The following MCUB variants were observed in gnomAD, a reference collection of about 807,000 sequenced individuals.
The protein encoded by MCUB is mitochondrial calcium uniporter dominant negative subunit beta, also known as calcium uniporter regulatory subunit MCUb, mitochondrial.
MCUB carries 46 observed loss-of-function variants against 41.4 expected under a neutral mutation model. The ratio of observed to expected loss-of-function variants is 1.11; its 90% confidence interval spans 0.88 to 1.42. The LOEUF is 1.42. Ranked by LOEUF, MCUB falls within the 40% of genes most tolerant of loss-of-function variation. The pLI is 0.00. For synonymous variants in MCUB, 148 were observed against 148.2 expected (o/e 1.00, Z 0.01); for missense variants, 403 against 404.9 (o/e 1.00, Z 0.04).
chr4:109,655,565 G>T (rs901965891), intron 1 of MCUB, among the ~76,000 whole-genome samples: 2 of 152,036 alleles, frequency 1.3e-5, no homozygotes, highest in Non-Finnish European at 2.9e-5. Context: ...AATTCCAAGG[G>T]ATTCAGGAGC....
chr4:109,645,829 G>A (rs1728822918), intron 1 of MCUB, among the ~76,000 whole-genome samples: 1 of 152,012 alleles, frequency 6.6e-6, no homozygotes, highest in African/African-American at 2.4e-5. Flanking sequence ...CTCCTCAAAG[G>A]CCAGTCCCCC....
intron 1 of MCUB, among the ~76,000 whole-genome samples, chr4:109,605,578 C>T (rs1727851519): frequency 6.6e-6 from 1 of 152,094 alleles, no homozygotes. Context: ...TCTAATCTTT[C>T]TTGATTGATT....
chr4:109,598,606 CGGTG>C (rs1727645728), intron 1 of MCUB, among the ~76,000 whole-genome samples: 2 of 134,508 alleles, frequency 1.5e-5, no homozygotes, highest in Non-Finnish European at 3.5e-5. Context: ...GAGAGGGAGA[CGGTG>C]GGGAGACGGG....
intron 1 of MCUB, among the ~76,000 whole-genome samples, chr4:109,632,760 G>A (rs1428297443): frequency 1.3e-5 from 2 of 151,912 alleles, no homozygotes; most frequent in African/African-American, 4.8e-5. Context: ...GACTATAGAT[G>A]CACACCACCA....
intron 1 of MCUB, among the ~76,000 whole-genome samples, chr4:109,642,914 G>C (rs1448683473): frequency 5.9e-5 from 4 of 68,188 alleles, no homozygotes; most frequent in African/African-American, 2.9e-4. Context: ...TTTTTTTTTT[G>C]AGTTGGAGTC....
chr4:109,627,822 A>C (rs1728393672), intron 1 of MCUB, among the ~76,000 whole-genome samples: 1 of 151,852 alleles, frequency 6.6e-6, no homozygotes, highest in Non-Finnish European at 1.5e-5. Flanking sequence ...CTGAGTCAGG[A>C]GAATCAATTG....
intron 1 of MCUB, among the ~76,000 whole-genome samples, chr4:109,600,827 G>A (rs369244211): frequency 2.3e-4 from 35 of 151,850 alleles, no homozygotes; most frequent in African/African-American, 6.0e-4. Flanking sequence ...ACTAAGTCTC[G>A]TCCTGTCACC....
rs543404522 is a variant in MCUB at position 109,660,351 on chromosome 4, C to T, written c.332C>T (p.Ala111Val). Residue 111 changes from alanine to valine, a missense_variant, in exon 3 of 8, where the codon GCC (alanine) becomes GTC (valine). Coordinates refer to ENST00000394650, the MANE Select transcript of MCUB (RefSeq NM_017918.5). ...QNEDKGIKTA[A>V]IFTADGNMIS... ...GAAGATAAGGGTATCAAAACTGCAGCCATCTTCACAGCAGGTATATATGTA... is the reference window on the plus strand; with the variant it reads ...GAAGATAAGGGTATCAAAACTGCAGTCATCTTCACAGCAGGTATATATGTA... 5.0e-6 allele frequency: 8 copies of T among 1,598,486 alleles called. No homozygotes were observed. The highest frequency in any genetic ancestry group is 6.9e-6 in the Non-Finnish European group (8 of 1,166,890).
rs564100727 is a variant in MCUB, at chr4:109,581,339, C to T, written c.99+20903C>T. 6.2e-4 allele frequency among the ~76,000 whole-genome samples: 95 copies of T among 152,270 alleles called. 3 individuals are homozygous for T. Among genetic ancestry groups the T allele is most frequent in the Admixed American group, 5.2e-3 (79 of 15,292 alleles). ...AAACTGGCTAGCCATATGTAGAAAG[C>T]TGAAACTGGATCCCTTCCTTACACC... On this transcript the variant is annotated intron_variant, in intron 1 of 7. Coordinates refer to ENST00000394650, the MANE Select transcript of MCUB (RefSeq NM_017918.5).
chr4:109,631,672 C>T (rs1268561096), intron 1 of MCUB, among the ~76,000 whole-genome samples: 2 of 152,176 alleles, frequency 1.3e-5, no homozygotes, highest in Admixed American at 1.3e-4. Flanking sequence ...TGGACTCTGT[C>T]AACATTTCTC....
At chr4:109,619,804 A>G (rs1231991023) in intron 1 of MCUB, among the ~76,000 whole-genome samples, 1 of 152,162 alleles carries the variant, frequency 6.6e-6, no homozygotes, top group Non-Finnish European at 1.5e-5. Context: ...TTATAATAAT[A>G]ATAGTTATAG....
At chr4:109,579,409 C>T (rs1727117249) in intron 1 of MCUB, among the ~76,000 whole-genome samples, 1 of 143,064 alleles carries the variant, frequency 7.0e-6, no homozygotes, top group Non-Finnish European at 1.5e-5. Flanking sequence ...GCCACCACGC[C>T]CAGCTAATTT....
rs535293966 is a variant in MCUB, at chr4:109,638,394, TG to T, written c.100-20616del. Among the ~76,000 whole-genome samples, 666 of 142,904 alleles carry T rather than the reference TG, an allele frequency of 4.7e-3. 3 individuals carry two copies. Among genetic ancestry groups the T allele is most frequent in the Non-Finnish European group, 6.6e-3 (434 of 66,246 alleles). 93.8% of individuals were successfully genotyped at this position (142,904 alleles called of 152,430 possible). A position where few individuals can be genotyped will look rare whatever the true frequency, so the allele number is the denominator to read the frequency against. On this transcript the variant is annotated intron_variant, in intron 1 of 7. Coordinates refer to ENST00000394650, the MANE Select transcript of MCUB (RefSeq NM_017918.5). ...TTACTGAACTGTAGTCTATTAAGTG[TG>T]CAATAGCATTATATCTAAAAAAAAA...
intron 1 of MCUB, among the ~76,000 whole-genome samples, chr4:109,581,113 G>T (rs546472350): frequency 5.3e-5 from 8 of 152,084 alleles, no homozygotes; most frequent in African/African-American, 1.9e-4. Flanking sequence ...GGCATCATGC[G>T]ACCTGACTTC....
chr4:109,672,034 G>T (rs1729469250), intron 4 of MCUB, among the ~76,000 whole-genome samples: 1 of 151,846 alleles, frequency 6.6e-6, no homozygotes, highest in Non-Finnish European at 1.5e-5. Context: ...TAATGTAGTG[G>T]TAAGATATTG....
intron 1 of MCUB, among the ~76,000 whole-genome samples, chr4:109,622,338 T>A (rs1728266403): frequency 6.6e-6 from 1 of 152,262 alleles, no homozygotes; most frequent in South Asian, 2.1e-4. Context: ...TAACCTGTAG[T>A]GTATATTTGT....
chr4:109,572,826 TAATGA>T (rs1209907995), intron 1 of MCUB, among the ~76,000 whole-genome samples: 2 of 152,178 alleles, frequency 1.3e-5, no homozygotes, highest in African/African-American at 2.4e-5. Flanking sequence ...TTGCTTTATA[TAATGA>T]AATGGCTAGA....
At chr4:109,581,715 G>A (rs933386667) in intron 1 of MCUB, among the ~76,000 whole-genome samples, 1 of 152,180 alleles carries the variant, frequency 6.6e-6, no homozygotes, top group Non-Finnish European at 1.5e-5. Context: ...AAAAGTGGGT[G>A]AAGGATATGA....
chr4:109,654,925 A>G (rs574557191), intron 1 of MCUB, among the ~76,000 whole-genome samples: 1 of 152,196 alleles, frequency 6.6e-6, no homozygotes, highest in East Asian at 1.9e-4. Flanking sequence ...TACTGACACT[A>G]CCTACCTGGA....
Sources: allele counts gnomAD v4.1 joint callset (sites outside exome capture counted in the v4.1 genomes callset), GRCh38; gene constraint gnomAD v4.1.1; transcripts MANE v1.5; gene names NCBI Gene and HGNC (gene_info 2026-07-23, HGNC 2026-07-21).